The following SLC38A10 variants were observed in gnomAD, a reference collection of about 807,000 sequenced individuals.
SLC38A10 encodes Sodium-coupled neutral amino acid transporter 10.
SLC38A10 carries 53 observed loss-of-function variants against 81.0 expected under a neutral mutation model. The observed-to-expected ratio is 0.65, with a 90% CI of 0.53 to 0.82. The LOEUF (loss-of-function observed/expected upper bound fraction) is 0.82, where lower values mean the gene tolerates loss of function less well. SLC38A10 is among the 40% of genes least tolerant of loss of function. The pLI is 0.00. For missense variants in SLC38A10, 1,471 were observed against 1,545.0 expected, an observed-to-expected ratio of 0.95 and a Z score of 0.80; for synonymous variants, 665 against 655.3, an observed-to-expected ratio of 1.01 and a Z score of -0.23.
chr17:81,250,907 G>C, intron 14 of SLC38A10: 2 of 1,154,536 alleles, frequency 1.7e-6, no homozygotes, highest in Non-Finnish European at 2.1e-6. Context: ...ATTCTCAGGA[G>C]AGCAAAGGCG....
At chr17:81,273,946 G>A (rs1322133534) in intron 8 of SLC38A10, among the ~76,000 whole-genome samples, 1 of 152,244 alleles carries the variant, frequency 6.6e-6, no homozygotes, top group Admixed American at 6.5e-5. Flanking sequence ...TCCGGGAAAG[G>A]AGCAGCCACG....
Position 81,277,827 on chromosome 17 carries a change from G to A in SLC38A10, c.627-694C>T, listed in dbSNP as rs567351549. On this transcript the variant is annotated intron_variant, in intron 6 of 15. Coordinates refer to ENST00000374759, the MANE Select transcript of SLC38A10 (RefSeq NM_001037984.3). This position sits in a 1 kb window ranked among gnomAD's most constrained non-coding sequence, Gnocchi z 4.5. ...TGGGCGAGACGACAAGGGAGAGGCT[G>A]GGGCCATGGAGCATCTGTGTGCAGC... Among the ~76,000 whole-genome samples, 13 of 152,346 alleles carry A rather than the reference G, an allele frequency of 8.5e-5. No homozygotes were observed. The South Asian group carries it at 1.7e-3, about 19-fold the overall frequency.
intron 14 of SLC38A10, among the ~76,000 whole-genome samples, chr17:81,249,067 G>A (rs2062879827): frequency 6.6e-6 from 1 of 152,028 alleles, no homozygotes; most frequent in African/African-American, 2.4e-5. Context: ...GAGATCCCAT[G>A]TGCTGGTGAC....
At position 81,270,893 on chromosome 17, in the gene SLC38A10, A is replaced by AGGCCACCCCACGAGCAGCACGCACCTG; in HGVS notation, c.1129_1131+24dup. 1 of 1,606,584 alleles carries AGGCCACCCCACGAGCAGCACGCACCTG rather than the reference A, an allele frequency of 6.2e-7. No homozygotes were observed. The highest frequency in any genetic ancestry group is 8.5e-7 in the Non-Finnish European group (1 of 1,173,506). ...AGCCCAGACCCATCAGCCCTCGTCC[A>AGGCCACCCCACGAGCAGCACGCACCTG]GGCCACCCCACGAGCAGCACGCACC... On this transcript the variant is annotated intron_variant, in intron 10 of 15. Transcript: ENST00000374759. The surrounding 1 kb of genome is among the most constrained non-coding windows in gnomAD (Gnocchi z 4.0).
At chr17:81,261,700 C>T (rs959597465) in intron 10 of SLC38A10, among the ~76,000 whole-genome samples, 3 of 152,234 alleles carry the variant, frequency 2.0e-5, no homozygotes, top group Admixed American at 6.5e-5. Context: ...CATCTCCGGA[C>T]GCCAGGTGCT....
intron 10 of SLC38A10, among the ~76,000 whole-genome samples, chr17:81,268,106 CAGA>C (rs1216170869): frequency 6.6e-6 from 1 of 151,484 alleles, no homozygotes; most frequent in African/African-American, 2.4e-5. Context: ...GAACGCCAAG[CAGA>C]AGATGAACGC....
Position 81,282,270 on chromosome 17 carries a change from G to C in SLC38A10, c.420C>G (p.Leu140=), listed in dbSNP as rs2063220100. Residue 140 remains leucine, a synonymous_variant, in exon 5 of 16, where the codon CTC becomes CTG. Coordinates refer to ENST00000374759, the MANE Select transcript of SLC38A10 (RefSeq NM_001037984.3). The stretch of plus-strand genomic sequence containing the variant: ...AGGCCATCATGTTCCGCTGCAGGCT[G>C]AGCGGGAGCACGATGCACAGCGACA... ...FAVSLCIVLP[L]SLQRNMMASI... 1.2e-6 allele frequency: 2 copies of C among 1,613,474 alleles called. No individual in the cohort carries two copies. The highest frequency in any genetic ancestry group is 2.7e-5 in the African/African-American group (2 of 74,946).
intron 14 of SLC38A10, chr17:81,251,229 G>C: frequency 1.4e-6 from 2 of 1,448,472 alleles, no homozygotes; most frequent in Non-Finnish European, 1.9e-6. Context: ...AGGGGAGCAA[G>C]GGAGATAAAA....
rs764670164 is a variant in SLC38A10, at chr17:81,246,314, C to T, written c.2602G>A (p.Gly868Arg). The stretch of plus-strand genomic sequence containing the variant: ...TCTGCGAGGCGCTCCTCTGGGCCCC[C>T]GGCTTCCCTGGCGGGGTCTGGCACG... ...VPVPDPAREA[G>R]GPEERLAEEF... Residue 868 changes from glycine to arginine, a missense_variant, in exon 16 of 16, where the codon GGG (glycine) becomes AGG (arginine). Coordinates refer to ENST00000374759, the MANE Select transcript of SLC38A10 (RefSeq NM_001037984.3). The T allele has an allele frequency of 1.8e-5, 29 of 1,610,466 alleles. No homozygotes were observed. The highest frequency in any genetic ancestry group is 1.2e-4 in the South Asian group (11 of 91,070).
At chr17:81,249,464 A>AGAAGGAG (rs368657621) in intron 14 of SLC38A10, among the ~76,000 whole-genome samples, 78 of 2,434 alleles carry the variant, frequency 0.032, 6 homozygotes, top group Non-Finnish European at 0.043. Context: ...AAGAGGAGGG[A>AGAAGGAG]GGAGGGAAGA....
intron 11 of SLC38A10, 46 bp downstream of exon 11, chr17:81,260,192 G>T: frequency 6.4e-7 from 1 of 1,553,314 alleles, no homozygotes; most frequent in Non-Finnish European, 8.7e-7. Flanking sequence ...GAGACACCCA[G>T]TGGGCACTTG....
chr17:81,261,241 C>T (rs903398532), intron 10 of SLC38A10, among the ~76,000 whole-genome samples: 2 of 152,230 alleles, frequency 1.3e-5, no homozygotes, highest in Admixed American at 6.6e-5. Flanking sequence ...CCCGCCACCC[C>T]GGCTCCTGCC....
Position 81,246,900 on chromosome 17 carries a change from C to T in SLC38A10, c.2227G>A (p.Asp743Asn). Residue 743 changes from aspartate (D) to asparagine (N), a missense_variant, in exon 15 of 16, where the codon GAT (aspartate) becomes AAT (asparagine). By Grantham distance (23) the Asp-to-Asn change is conservative. Coordinates refer to ENST00000374759, the MANE Select transcript of SLC38A10 (RefSeq NM_001037984.3). ...CCCGGCCTACCCTGCCTGGGTTTAT[C>T]CTCCTCGTCCTCCTGCCTCTGCTGG... ...IHQQRQEDEE[D>N]KPRQVEVHQE... The T allele has an allele frequency of 6.3e-7, 1 of 1,599,470 alleles. No individual in the cohort carries two copies. The highest frequency in any genetic ancestry group is 1.1e-5 in the South Asian group (1 of 90,494).
At chr17:81,250,734 C>T (rs1381997152) in intron 14 of SLC38A10, 2 of 769,334 alleles carry the variant, frequency 2.6e-6, no homozygotes, top group African/African-American at 3.8e-5. Flanking sequence ...GGCGGGTGGA[C>T]CCCTAGCCTG....
chr17:81,278,928 G>A (rs1455092061), intron 6 of SLC38A10, among the ~76,000 whole-genome samples: 1 of 152,156 alleles, frequency 6.6e-6, no homozygotes, highest in Non-Finnish European at 1.5e-5. Context: ...CCTACCCCAG[G>A]GACCCCCGGG....
chr17:81,280,982 G>A (rs992625482), intron 5 of SLC38A10, among the ~76,000 whole-genome samples: 15 of 152,352 alleles, frequency 9.8e-5, no homozygotes, highest in Middle Eastern at 3.4e-3. Flanking sequence ...GGGCACCAGA[G>A]CAGCTGCTCT....
chr17:81,250,291 CGGGAGCCCAGGG>C (rs1459379983), intron 14 of SLC38A10, among the ~76,000 whole-genome samples: 5 of 152,362 alleles, frequency 3.3e-5, no homozygotes, highest in Non-Finnish European at 7.3e-5. Context: ...CTCAGAGCTC[CGGGAGCCCAGGG>C]GGCGCCTTTT....
intron 14 of SLC38A10, among the ~76,000 whole-genome samples, chr17:81,247,941 A>G (rs2062868557): frequency 1.3e-5 from 2 of 150,418 alleles, no homozygotes; most frequent in Admixed American, 1.3e-4. Context: ...AAAAACAAAC[A>G]AAAGCTGTCT....
intron 10 of SLC38A10, among the ~76,000 whole-genome samples, chr17:81,261,487 G>C (rs1196924899): frequency 6.6e-6 from 1 of 152,248 alleles, no homozygotes; most frequent in Admixed American, 6.5e-5. Context: ...ATCCTTTTCT[G>C]AAAGGTATGT....
Sources: gnomAD v4.1 joint callset for allele counts (sites outside exome capture counted in the v4.1 genomes callset) on GRCh38, gnomAD v4.1.1 for gene constraint, Gnocchi (gnomAD v3.1) non-coding constraint, MANE v1.5 for transcripts, NCBI Gene and HGNC (gene_info 2026-07-23, HGNC 2026-07-21) for gene names.